Variants in PTPRM observed in about 807,000 individuals in gnomAD.
PTPRM encodes receptor-type tyrosine-protein phosphatase mu.
PTPRM carries 47 observed loss-of-function variants against 186.7 expected under a neutral mutation model. That is an observed-to-expected ratio of 0.25 (90% CI 0.20 to 0.32). The LOEUF (loss-of-function observed/expected upper bound fraction) is 0.32, where lower values mean the gene tolerates loss of function less well. Ranked by LOEUF, PTPRM falls within the 10% of genes least tolerant of loss-of-function variation. The probability of loss-of-function intolerance (pLI) is 1.00; values close to 1 mark genes in which losing one functional copy is unlikely to be tolerated. For synonymous variants in PTPRM, 668 were observed against 674.9 expected, an observed-to-expected ratio of 0.99 and a Z score of 0.16; for missense variants, 1,494 against 1,865.0, an observed-to-expected ratio of 0.80 and a Z score of 3.66.
chr18:8,321,660 C>T (rs1228116173), intron 22 of PTPRM, among the ~76,000 whole-genome samples: 1 of 152,178 alleles, frequency 6.6e-6, no homozygotes, highest in Non-Finnish European at 1.5e-5. Context: ...TTTACCAGGT[C>T]GTGGCAGCCT....
intron 14 of PTPRM, among the ~76,000 whole-genome samples, chr18:8,198,165 A>C (rs1460439282): frequency 6.6e-6 from 1 of 152,158 alleles, no homozygotes; most frequent in Non-Finnish European, 1.5e-5. Flanking sequence ...CTTTGTTGTT[A>C]GACAGGATCT....
chr18:7,706,601 C>CAAAAAAAAAAAAAAAAAAAAAAAAAA (rs766639399), intron 1 of PTPRM, among the ~76,000 whole-genome samples: 2 of 16,130 alleles, frequency 1.2e-4, no homozygotes, highest in African/African-American at 1.9e-4. Flanking sequence ...GACCTTGTCT[C>CAAAAAAAAAAAAAAAAAAAAAAAAAA]AAAAAAAAAA....
intron 14 of PTPRM, among the ~76,000 whole-genome samples, chr18:8,225,061 A>C (rs1440566116): frequency 6.6e-6 from 1 of 152,162 alleles, no homozygotes; most frequent in Non-Finnish European, 1.5e-5. Context: ...TGATTGCCTG[A>C]TACATTATTT....
intron 1 of PTPRM, among the ~76,000 whole-genome samples, chr18:7,732,945 T>C (rs931325980): frequency 3.9e-5 from 6 of 152,162 alleles, no homozygotes; most frequent in African/African-American, 1.4e-4. Context: ...TGCACTACAA[T>C]ATAGGCTAGA....
chr18:8,171,481 C>T (rs777975497), intron 14 of PTPRM, among the ~76,000 whole-genome samples: 12 of 152,148 alleles, frequency 7.9e-5, no homozygotes, highest in Non-Finnish European at 1.6e-4. Context: ...ACTCTGTAAA[C>T]AGCTTGGACC....
intron 4 of PTPRM, among the ~76,000 whole-genome samples, chr18:7,911,846 ATTTTTTTT>A (rs57590269): frequency 1.2e-5 from 1 of 80,676 alleles, no homozygotes; most frequent in Non-Finnish European, 2.2e-5. Context: ...TATGGTTTCA[ATTTTTTTT>A]TTTTTTTTTT....
intron 2 of PTPRM, among the ~76,000 whole-genome samples, chr18:7,865,574 G>A (rs1035200890): frequency 2.0e-5 from 3 of 152,104 alleles, no homozygotes; most frequent in African/African-American, 7.2e-5. Flanking sequence ...ATGTGCTGCT[G>A]GATTCACTTT....
chr18:7,570,542 C>CA (rs1208340898), intron 1 of PTPRM, among the ~76,000 whole-genome samples: 2 of 152,146 alleles, frequency 1.3e-5, no homozygotes, highest in African/African-American at 2.4e-5. Context: ...TGCACATATT[C>CA]AAATTGTGTG....
chr18:8,136,814 A>G lies in PTPRM; in HGVS notation c.2168-6833A>G, dbSNP rs546359637. On this transcript the variant is annotated intron_variant, in intron 13 of 32. Coordinates refer to ENST00000580170, the MANE Select transcript of PTPRM (RefSeq NM_001105244.2). The stretch of plus-strand genomic sequence containing the variant: ...GCTGGAAAAAACTAAACAAGACTGC[A>G]AAGGATTTTAATTCTCTGGGCAACA... 2.6e-5 allele frequency among the ~76,000 whole-genome samples: 4 copies of G among 152,342 alleles called. No individual in the cohort carries two copies. In the South Asian group the frequency reaches 8.3e-4, roughly 32 times the overall value.
chr18:7,810,172 C>T (rs940659133), intron 2 of PTPRM, among the ~76,000 whole-genome samples: 1 of 152,194 alleles, frequency 6.6e-6, no homozygotes, highest in African/African-American at 2.4e-5. Flanking sequence ...GTCACCGCCC[C>T]CACCACCTTT....
At chr18:7,830,354 C>T (rs2045696686) in intron 2 of PTPRM, among the ~76,000 whole-genome samples, 1 of 152,190 alleles carries the variant, frequency 6.6e-6, no homozygotes, top group Non-Finnish European at 1.5e-5. Context: ...TTCCATCTCC[C>T]TGTGTACACA....
At chr18:8,164,776 A>G (rs2093293300) in intron 14 of PTPRM, among the ~76,000 whole-genome samples, 1 of 152,342 alleles carries the variant, frequency 6.6e-6, no homozygotes, top group Admixed American at 6.5e-5. Flanking sequence ...GACAGTGGTG[A>G]TAGTTGCACA....
At chr18:8,000,443 AT>A (rs1330535107) in intron 7 of PTPRM, among the ~76,000 whole-genome samples, 1 of 152,232 alleles carries the variant, frequency 6.6e-6, no homozygotes, top group East Asian at 1.9e-4. Flanking sequence ...ATAAGTGAAT[AT>A]ATAAAATAAT....
intron 7 of PTPRM, among the ~76,000 whole-genome samples, chr18:8,036,163 C>T (rs1159414275): frequency 1.3e-5 from 2 of 152,118 alleles, no homozygotes; most frequent in Non-Finnish European, 2.9e-5. Flanking sequence ...CACATGGCGT[C>T]GGGGTAACTC....
intron 8 of PTPRM, among the ~76,000 whole-genome samples, chr18:8,072,347 T>A (rs756714584): frequency 1.2e-4 from 18 of 152,226 alleles, no homozygotes; most frequent in Non-Finnish European, 2.6e-4. Flanking sequence ...GGAATTCTGT[T>A]AAATTCCATC....
At chr18:7,702,100 G>A (rs1420672620) in intron 1 of PTPRM, among the ~76,000 whole-genome samples, 1 of 152,096 alleles carries the variant, frequency 6.6e-6, no homozygotes, top group African/African-American at 2.4e-5. Flanking sequence ...GTCTATCATT[G>A]ATGGGCATTT....
At chr18:8,278,012 CTA>C (rs2094856340) in intron 19 of PTPRM, among the ~76,000 whole-genome samples, 1 of 152,302 alleles carries the variant, frequency 6.6e-6, no homozygotes, top group African/African-American at 2.4e-5. Context: ...GTTTCTCAAT[CTA>C]TAATATTATT....
At chr18:7,804,514 T>G (rs912538725) in intron 2 of PTPRM, among the ~76,000 whole-genome samples, 1 of 152,196 alleles carries the variant, frequency 6.6e-6, no homozygotes, top group African/African-American at 2.4e-5. Flanking sequence ...ACTGTGTAAA[T>G]TTCTTTGTCA....
chr18:7,868,800 C>T (rs145150204), intron 2 of PTPRM, among the ~76,000 whole-genome samples: 5,889 of 152,288 alleles, frequency 0.039, 135 homozygotes, highest in Middle Eastern at 0.11. Context: ...GCGCCCACAG[C>T]CACCCCTTCC....
Sources: allele counts gnomAD v4.1 joint callset (sites outside exome capture counted in the v4.1 genomes callset), GRCh38; gene constraint gnomAD v4.1.1; transcripts MANE v1.5; gene names NCBI Gene and HGNC (gene_info 2026-07-23, HGNC 2026-07-21).